GOLGA4: variants seen among roughly 807,000 people sequenced by gnomAD.
GOLGA4 encodes the protein golgin A4.
Under a neutral mutation model 265.9 loss-of-function variants are expected in GOLGA4, and 169 were observed. The observed-to-expected ratio is 0.64, with a 90% confidence interval of 0.56 to 0.72. The LOEUF (loss-of-function observed/expected upper bound fraction) is 0.72. Ranked by LOEUF, GOLGA4 falls within the 30% of genes least tolerant of loss-of-function variation. GOLGA4 has a pLI of 0.00. For synonymous variants in GOLGA4, 923 were observed against 855.8 expected (o/e 1.08, Z -1.37); for missense variants, 2,482 against 2,483.4 (o/e 1.00, Z 0.01).
intron 23 of GOLGA4, among the ~76,000 whole-genome samples, chr3:37,364,793 T>C (rs560736518): frequency 6.6e-6 from 1 of 152,084 alleles, no homozygotes; most frequent in Non-Finnish European, 1.5e-5. Context: ...GGTCTTGCCA[T>C]GTTGCCCAGG....
rs752730931 is a variant in GOLGA4 at position 37,325,956 on chromosome 3, T to C, written c.4070T>C (p.Leu1357Ser). 41 of 1,611,888 alleles carry C rather than the reference T, an allele frequency of 2.5e-5. No homozygotes were observed. The highest frequency in any genetic ancestry group is 3.4e-5 in the Non-Finnish European group (40 of 1,178,516). ...TCTGAAAACATCAATGCTGTCACAT[T>C]GATGAAAGAAGAGCTTAAAGAAAAA... The part of the protein sequence containing the change: ...ELSENINAVT[L>S]MKEELKEKKV... Residue 1357 changes from leucine to serine, a missense_variant, in exon 14 of 24, where the codon TTG becomes TCG. Around this residue, in one of 3 missense-constraint regions of GOLGA4, gnomAD observed 942 missense variants for 983.1 expected, o/e 0.96. Transcript: ENST00000361924.
intron 3 of GOLGA4, among the ~76,000 whole-genome samples, chr3:37,285,153 CTTTTT>C (rs542285622): frequency 2.4e-5 from 3 of 127,648 alleles, no homozygotes; most frequent in Admixed American, 8.3e-5. Flanking sequence ...AGATGAGTAA[CTTTTT>C]TTTTTTTTTT....
chr3:37,344,349 G>A (rs1182324396), intron 20 of GOLGA4, among the ~76,000 whole-genome samples: 11 of 152,142 alleles, frequency 7.2e-5, no homozygotes, highest in Non-Finnish European at 1.2e-4. Flanking sequence ...TGATCCACCC[G>A]CCTTGGCCTC....
intron 5 of GOLGA4, among the ~76,000 whole-genome samples, chr3:37,292,613 G>A (rs1299761693): frequency 6.6e-6 from 1 of 152,158 alleles, no homozygotes; most frequent in Non-Finnish European, 1.5e-5. Context: ...TTGAACCCGG[G>A]AGGTGGAGTT....
At chr3:37,296,678 C>A (rs974635644) in intron 7 of GOLGA4, among the ~76,000 whole-genome samples, 2 of 152,160 alleles carry the variant, frequency 1.3e-5, no homozygotes, top group African/African-American at 4.8e-5. Context: ...TCAAGCGATT[C>A]TCCTGCCTCA....
At chr3:37,295,987 C>A in intron 6 of GOLGA4, 100 bp from the exon 7 acceptor site, 1 of 1,057,062 alleles carries the variant, frequency 9.5e-7, no homozygotes, top group Admixed American at 2.0e-5. Flanking sequence ...TTGGTATTAA[C>A]AGGGAATCCT....
At position 37,315,371 on chromosome 3, in the gene GOLGA4, C is replaced by T. The variant is rs2096934725; in HGVS notation, c.1235-49C>T. On this transcript the variant is annotated intron_variant, in intron 10 of 23. Transcript: ENST00000361924. ...AAATTGAATGTAAAACACTTTAGCT[C>T]AATGATAATATTTCTTGAGATACTT... 6.7e-6 allele frequency: 10 copies of T among 1,488,892 alleles called. No individual in the cohort carries two copies. The East Asian group carries it at 2.3e-4, about 34-fold the overall frequency. 92.2% of individuals were successfully genotyped at this position (1,488,892 alleles called of 1,614,324 possible).
At chr3:37,328,915 A>G (rs2150979150) in intron 15 of GOLGA4, 48 bp from the exon 16 acceptor site, 1 of 1,431,824 alleles carries the variant, frequency 7.0e-7, no homozygotes, top group East Asian at 2.4e-5. Context: ...ACAAATATTA[A>G]CTCTTGACTA....
At chr3:37,266,733 A>T (rs994748049) in intron 2 of GOLGA4, 3 of 373,678 alleles carry the variant, frequency 8.0e-6, no homozygotes, top group South Asian at 2.0e-5. Context: ...AGGCCATTAT[A>T]GTGTTATGCA....
Position 37,347,416 on chromosome 3 carries a change from G to T in GOLGA4, c.6576+120G>T, listed in dbSNP as rs890120265. On this transcript the variant is annotated intron_variant, in intron 21 of 23. Transcript: ENST00000361924. ...TAGCAAATCAGACATGCTAATAGTAGGTAATAGATAATTATTTTATTGCTC... is the reference window on the plus strand; with the variant it reads ...TAGCAAATCAGACATGCTAATAGTATGTAATAGATAATTATTTTATTGCTC... The T allele has an allele frequency of 1.7e-5, 9 of 534,366 alleles. No individual in the cohort carries two copies. In the African/African-American group the frequency reaches 1.8e-4, roughly 10 times the overall value. The allele number at this position is 534,366 out of a possible 1,614,324, so 33.1% of individuals were successfully genotyped here. A position where few individuals can be genotyped will look rare whatever the true frequency, so the allele number is the denominator to read the frequency against.
intron 22 of GOLGA4, among the ~76,000 whole-genome samples, 200 bp downstream of exon 22, chr3:37,355,387 GA>G (rs1230454995): frequency 1.3e-5 from 2 of 152,066 alleles, no homozygotes; most frequent in African/African-American, 4.8e-5. Flanking sequence ...TCAAGGGAAG[GA>G]AGAGTCTAAT....
intron 7 of GOLGA4, among the ~76,000 whole-genome samples, chr3:37,297,280 G>C (rs1030289520): frequency 6.6e-6 from 1 of 152,200 alleles, no homozygotes; most frequent in Non-Finnish European, 1.5e-5. Flanking sequence ...TAGTTGAGCA[G>C]TTAACTATCT....
chr3:37,345,059 C>T lies in GOLGA4; in HGVS notation c.6473-2134C>T, dbSNP rs112135774. ...GTGGGACCCTGTCTCTAGACAAAAA[C>T]GTTAGCTAGGCATGGTGACATGTAC... On this transcript the variant is annotated intron_variant, in intron 20 of 23. Transcript: ENST00000361924. Among the ~76,000 whole-genome samples the T allele has an allele frequency of 2.9e-3, 439 of 151,952 alleles. 5 individuals carry two copies. Among genetic ancestry groups the T allele is most frequent in the African/African-American group, 9.7e-3 (402 of 41,464 alleles).
Position 37,321,748 on chromosome 3 carries a change from A to G in GOLGA4, c.1563A>G (p.Glu521=). The G allele has an allele frequency of 6.2e-7, 1 of 1,607,640 alleles. No homozygotes were observed. The highest frequency in any genetic ancestry group is 8.5e-7 in the Non-Finnish European group (1 of 1,178,530). ...MKVALEKSQS[E]YLKISQEKEQ... ...TGGCACAGGAAAAGAGTCAATCAGA[A>G]TATTTGAAGATCAGCCAAGAAAAAG... The change falls in exon 13 of 24, where the codon GAA becomes GAG. Residue 521 remains glutamate (E), a synonymous_variant. Transcript: ENST00000361924.
chr3:37,296,303 T>G (rs1340749462), intron 7 of GOLGA4, 84 bp downstream of exon 7: 3 of 1,368,562 alleles, frequency 2.2e-6, no homozygotes, highest in Non-Finnish European at 3.1e-6. Context: ...CCCAACACTT[T>G]GGGAGGCCAG....
At chr3:37,363,364 A>C (rs1056904315) in intron 23 of GOLGA4, among the ~76,000 whole-genome samples, 1 of 152,200 alleles carries the variant, frequency 6.6e-6, no homozygotes, top group Admixed American at 6.5e-5. Context: ...CTGAATATCA[A>C]TTATCACTGG....
chr3:37,343,553 C>G (rs1372394787), intron 20 of GOLGA4, among the ~76,000 whole-genome samples: 2 of 152,206 alleles, frequency 1.3e-5, no homozygotes, highest in Non-Finnish European at 1.5e-5. Context: ...CCAAACAGTG[C>G]CCATACATTG....
At chr3:37,305,149 C>T (rs915963939) in intron 10 of GOLGA4, among the ~76,000 whole-genome samples, 2 of 152,116 alleles carry the variant, frequency 1.3e-5, no homozygotes, top group African/African-American at 4.8e-5. Flanking sequence ...GAACTCCCAA[C>T]CTCAGGTAAT....
chr3:37,361,334 T>G, intron 23 of GOLGA4, 29 bp downstream of exon 23: 3 of 1,551,432 alleles, frequency 1.9e-6, no homozygotes, highest in Non-Finnish European at 2.7e-6. Context: ...CTTGTGTCTT[T>G]TGTGCAAAAA....
Sources: allele counts gnomAD v4.1 joint callset (sites outside exome capture counted in the v4.1 genomes callset), GRCh38; gene constraint gnomAD v4.1.1; regional missense constraint gnomAD v4.1.1; transcripts MANE v1.5; gene names NCBI Gene and HGNC (gene_info 2026-07-23, HGNC 2026-07-21).